The following PRKN variants were observed in gnomAD, a reference collection of about 807,000 sequenced individuals.
PRKN encodes the protein parkin RBR E3 ubiquitin protein ligase.
Under a neutral mutation model 59.5 loss-of-function variants are expected in PRKN, and 56 were observed. The ratio of observed to expected loss-of-function variants is 0.94; its 90% CI spans 0.76 to 1.18. The LOEUF (loss-of-function observed/expected upper bound fraction) is 1.18. PRKN is among the 50% of genes most tolerant of loss of function. The pLI is 0.00. For missense variants in PRKN, 657 were observed against 596.4 expected, an observed-to-expected ratio of 1.10 and a Z score of -1.06; for synonymous variants, 250 against 222.1, an observed-to-expected ratio of 1.13 and a Z score of -1.12.
intron 6 of PRKN, among the ~76,000 whole-genome samples, chr6:161,897,545 C>T (rs943241179): frequency 6.6e-6 from 1 of 152,134 alleles, no homozygotes; most frequent in Admixed American, 6.5e-5. Context: ...CAAAGCAATA[C>T]AATTTCAAAT....
At chr6:162,270,618 T>G (rs1780337292) in intron 2 of PRKN, 1 of 152,196 alleles carries the variant, frequency 6.6e-6, no homozygotes, top group Admixed American at 6.5e-5. Context: ...TAGACTACAT[T>G]TTCTATCTAG....
chr6:161,639,120 T>A (rs1783642532), intron 7 of PRKN, among the ~76,000 whole-genome samples: 1 of 152,202 alleles, frequency 6.6e-6, no homozygotes, highest in Admixed American at 6.5e-5. Flanking sequence ...TTGCTTTCCC[T>A]TCCGCCATAA....
In PRKN at chr6:161,978,296, G is replaced by A. The variant is rs549532404; in HGVS notation, c.619-4879C>T. Among the ~76,000 whole-genome samples, 384 of 151,896 alleles carry A rather than the reference G, an allele frequency of 2.5e-3. 2 individuals carry two copies. Among genetic ancestry groups the A allele is most frequent in the Non-Finnish European group, 2.9e-3 (198 of 67,940 alleles). On this transcript the variant is annotated intron_variant, in intron 5 of 11. Coordinates refer to ENST00000366898, the MANE Select transcript of PRKN (RefSeq NM_004562.3). ...AACTCCAGACCTCAGGTGATCCACC[G>A]GCCTCGGCCTCCCAAAGTGCTGGGA...
intron 6 of PRKN, among the ~76,000 whole-genome samples, chr6:161,789,103 C>G (rs983629344): frequency 6.6e-6 from 1 of 152,168 alleles, no homozygotes; most frequent in African/African-American, 2.4e-5. Context: ...GATTGCTCCT[C>G]TCCTATTAAG....
intron 1 of PRKN, among the ~76,000 whole-genome samples, chr6:162,714,644 C>T (rs1352931199): frequency 1.3e-5 from 2 of 152,118 alleles, no homozygotes; most frequent in African/African-American, 2.4e-5. Flanking sequence ...AATGTGATTA[C>T]GAACCTTTTA....
At chr6:161,366,037 A>C (rs1343168283) in intron 10 of PRKN, among the ~76,000 whole-genome samples, 1 of 152,206 alleles carries the variant, frequency 6.6e-6, no homozygotes, top group Non-Finnish European at 1.5e-5. Flanking sequence ...CCCCGGATCG[A>C]TATGTTGAAA....
In PRKN at chr6:161,551,378, A is replaced by G. The variant is rs1780012479; in HGVS notation, c.934-2375T>C. ...TATTCGTAAAGCTCGACACTAGGTTAGATCTATGACACTCTGACCATGTTA... is the reference window on the plus strand; with the variant it reads ...TATTCGTAAAGCTCGACACTAGGTTGGATCTATGACACTCTGACCATGTTA... On this transcript the variant is annotated intron_variant, in intron 8 of 11. Transcript: ENST00000366898. The surrounding 1 kb of genome is among the most constrained non-coding windows in gnomAD (Gnocchi z 5.2). Among the ~76,000 whole-genome samples the G allele has an allele frequency of 6.6e-6, 1 of 152,212 alleles. No homozygotes were observed. Among genetic ancestry groups the G allele is most frequent in the Non-Finnish European group, 1.5e-5 (1 of 68,040 alleles).
intron 7 of PRKN, among the ~76,000 whole-genome samples, chr6:161,642,213 T>C (rs1372543071): frequency 6.6e-6 from 1 of 152,214 alleles, no homozygotes; most frequent in African/African-American, 2.4e-5. Context: ...AGTATTTCCA[T>C]CTATCAGGGA....
At chr6:161,810,865 G>A (rs1300032170) in intron 6 of PRKN, among the ~76,000 whole-genome samples, 1 of 152,154 alleles carries the variant, frequency 6.6e-6, no homozygotes, top group African/African-American at 2.4e-5. Flanking sequence ...CCAAGGTGGT[G>A]TCTAGCTTTA....
At chr6:161,422,390 G>C (rs35621654) in intron 9 of PRKN, among the ~76,000 whole-genome samples, 1,850 of 151,856 alleles carry the variant, frequency 0.012, 19 homozygotes, top group Non-Finnish European at 0.016. Context: ...GCAGAGATGG[G>C]GTTTCACCAT....
At chr6:162,343,692 G>GGTGT (rs35443956) in intron 2 of PRKN, among the ~76,000 whole-genome samples, 1 of 151,714 alleles carries the variant, frequency 6.6e-6, no homozygotes, top group Admixed American at 6.6e-5. Context: ...TCATGGAAGG[G>GGTGT]GTGTGTGTGT....
intron 1 of PRKN, among the ~76,000 whole-genome samples, chr6:162,613,005 G>A (rs911396020): frequency 6.6e-6 from 1 of 152,134 alleles, no homozygotes; most frequent in Non-Finnish European, 1.5e-5. Context: ...TGGTTTAAAA[G>A]ACTAAAATTA....
At chr6:162,402,955 T>C (rs561495206) in intron 2 of PRKN, among the ~76,000 whole-genome samples, 3 of 152,060 alleles carry the variant, frequency 2.0e-5, no homozygotes, top group Non-Finnish European at 4.4e-5. Flanking sequence ...GTCATGCATA[T>C]ATTTCTGTTA....
chr6:162,129,429 A>T (rs1328128760), intron 4 of PRKN, among the ~76,000 whole-genome samples: 1 of 152,182 alleles, frequency 6.6e-6, no homozygotes, highest in Non-Finnish European at 1.5e-5. Flanking sequence ...AACATAGATG[A>T]GGCAGAACTA....
At chr6:162,109,730 G>A (rs1780341940) in intron 4 of PRKN, among the ~76,000 whole-genome samples, 1 of 152,198 alleles carries the variant, frequency 6.6e-6, no homozygotes, top group Admixed American at 6.5e-5. Context: ...TACAGATGCT[G>A]TCCCTTAAAC....
chr6:162,657,944 T>C (rs1562475137), intron 1 of PRKN, among the ~76,000 whole-genome samples: 1 of 152,192 alleles, frequency 6.6e-6, no homozygotes, highest in Non-Finnish European at 1.5e-5. Flanking sequence ...AGGAAGAAGA[T>C]GACATAGGTA....
chr6:162,464,388 A>G (rs1253692660), intron 1 of PRKN, among the ~76,000 whole-genome samples: 1 of 152,176 alleles, frequency 6.6e-6, no homozygotes, highest in African/African-American at 2.4e-5. Context: ...TAAGGTTTTA[A>G]TCATTTATGA....
chr6:162,557,279 T>C (rs1779647295), intron 1 of PRKN, among the ~76,000 whole-genome samples: 3 of 152,308 alleles, frequency 2.0e-5, no homozygotes, highest in South Asian at 2.1e-4. Flanking sequence ...CCACAGTCAT[T>C]GCTGCTTGGT....
intron 1 of PRKN, among the ~76,000 whole-genome samples, chr6:162,480,882 T>G (rs1792276939): frequency 6.6e-6 from 1 of 152,102 alleles, no homozygotes; most frequent in Non-Finnish European, 1.5e-5. Flanking sequence ...CTCACCTCAC[T>G]GCACCCTCCG....
Sources: allele counts gnomAD v4.1 joint callset (sites outside exome capture counted in the v4.1 genomes callset), GRCh38; gene constraint gnomAD v4.1.1; non-coding constraint Gnocchi (gnomAD v3.1); transcripts MANE v1.5; gene names NCBI Gene and HGNC (gene_info 2026-07-23, HGNC 2026-07-21).